Variants in UBAC2 observed in about 807,000 individuals in gnomAD.
The protein encoded by UBAC2 is UBA domain containing 2.
UBAC2 carries 26 observed loss-of-function variants against 44.0 expected under a neutral mutation model. That is an observed-to-expected ratio of 0.59 (90% CI 0.43 to 0.82). UBAC2 has a LOEUF of 0.82. UBAC2 is among the 40% of genes least tolerant of loss of function. The probability of loss-of-function intolerance (pLI) is 0.00; values close to 1 mark genes in which losing one functional copy is unlikely to be tolerated. For missense variants in UBAC2, 329 were observed against 419.4 expected (o/e 0.78, Z 1.88); for synonymous variants, 155 against 154.3 (o/e 1.00, Z -0.04).
chr13:99,262,719 A>G (rs796225531), intron 4 of UBAC2, among the ~76,000 whole-genome samples: 5 of 109,708 alleles, frequency 4.6e-5, no homozygotes, highest in East Asian at 4.4e-4. Context: ...TCAAAAAAAA[A>G]AAAAAAAAAA....
At chr13:99,264,886 G>T (rs1365521256) in intron 4 of UBAC2, among the ~76,000 whole-genome samples, 1 of 151,924 alleles carries the variant, frequency 6.6e-6, no homozygotes, top group Non-Finnish European at 1.5e-5. Context: ...GAATGTGTCT[G>T]CTGAAGTTTG....
chr13:99,232,738 A>C (rs1040689186), intron 1 of UBAC2, among the ~76,000 whole-genome samples: 1 of 152,092 alleles, frequency 6.6e-6, no homozygotes, highest in Non-Finnish European at 1.5e-5. Flanking sequence ...CCTGGGCCAC[A>C]TGGCAAAACC....
At chr13:99,382,645 A>G (rs185986241) in intron 8 of UBAC2, among the ~76,000 whole-genome samples, 24 of 152,336 alleles carry the variant, frequency 1.6e-4, no homozygotes, top group African/African-American at 5.8e-4. Context: ...AGGAATGAGC[A>G]AAGGCAGCCA....
chr13:99,376,507 A>G (rs889370010), intron 8 of UBAC2, among the ~76,000 whole-genome samples: 2 of 152,250 alleles, frequency 1.3e-5, no homozygotes, highest in African/African-American at 4.8e-5. Context: ...TGCCATTGCC[A>G]CAGCACCAGC....
At chr13:99,208,884 G>A (rs2042906910) in intron 1 of UBAC2, among the ~76,000 whole-genome samples, 1 of 152,200 alleles carries the variant, frequency 6.6e-6, no homozygotes, top group East Asian at 1.9e-4. Flanking sequence ...TCCTTGACCT[G>A]GGGGTTTGCA....
chr13:99,294,786 C>T (rs2044142800), intron 4 of UBAC2: 1 of 255,178 alleles, frequency 3.9e-6, no homozygotes, highest in South Asian at 1.0e-4. Context: ...TAAAACAAAA[C>T]TTTTTACATT....
intron 1 of UBAC2, among the ~76,000 whole-genome samples, chr13:99,203,251 GTCTTGAGCTCCTGACC>G (rs1205556616): frequency 6.6e-6 from 1 of 152,094 alleles, no homozygotes; most frequent in East Asian, 1.9e-4. Context: ...GACCAGGCTG[GTCTTGAGCTCCTGACC>G]TCAAGTGGTC....
At chr13:99,284,855 A>C (rs144542056) in intron 4 of UBAC2, among the ~76,000 whole-genome samples, 159 of 152,306 alleles carry the variant, frequency 1.0e-3, no homozygotes, top group African/African-American at 3.7e-3. Context: ...GTGAAGGTGA[A>C]GCAGTAGATG....
intron 4 of UBAC2, among the ~76,000 whole-genome samples, chr13:99,281,597 A>C (rs2043955044): frequency 1.3e-5 from 2 of 152,198 alleles, no homozygotes; most frequent in Non-Finnish European, 2.9e-5. Context: ...CAGGCTCAGA[A>C]ACCTTCAGCG....
intron 1 of UBAC2, among the ~76,000 whole-genome samples, chr13:99,227,243 G>A (rs550979990): frequency 7.4e-4 from 111 of 151,016 alleles, no homozygotes; most frequent in African/African-American, 2.6e-3. Flanking sequence ...CTCCTTCCCC[G>A]GTTATGCTGC....
At chr13:99,232,399 G>GAGAGAGATATATATATATATAT (rs1367302629) in intron 1 of UBAC2, among the ~76,000 whole-genome samples, 7 of 109,970 alleles carry the variant, frequency 6.4e-5, no homozygotes, top group Admixed American at 9.5e-5. Context: ...TTAGTTGAGA[G>GAGAGAGATATATATATATATAT]ATATAGATAT....
At position 99,385,425 on chromosome 13, in the gene UBAC2, T is replaced by G; in HGVS notation, c.*90T>G. 1 of 1,015,434 alleles carries G rather than the reference T, an allele frequency of 9.8e-7. No individual in the cohort carries two copies. The highest frequency in any genetic ancestry group is 1.5e-6 in the Non-Finnish European group (1 of 660,892). The allele number at this position is 1,015,434 out of a possible 1,614,324, so 62.9% of individuals were successfully genotyped here. A position where few individuals can be genotyped will look rare whatever the true frequency, so the allele number is the denominator to read the frequency against. On this transcript the variant is annotated 3_prime_UTR_variant, in exon 9 of 9. Transcript: ENST00000403766. The stretch of plus-strand genomic sequence containing the variant: ...GATCAGCCCGGGGACCGAGCATCTC[T>G]GGTGCTGATGTTCTTGTGGGAAGAG...
intron 8 of UBAC2, among the ~76,000 whole-genome samples, chr13:99,375,449 G>A (rs909659662): frequency 1.3e-5 from 2 of 152,178 alleles, no homozygotes; most frequent in Non-Finnish European, 2.9e-5. Context: ...GGCGAGGCAG[G>A]CCCAGCACAT....
chr13:99,367,763 A>T (rs762011784), intron 7 of UBAC2, 24 bp from the exon 8 acceptor site: 6 of 1,613,900 alleles, frequency 3.7e-6, no homozygotes, highest in Non-Finnish European at 5.1e-6. Context: ...TGTGTCTGAT[A>T]ACTGTGTGTT....
chr13:99,385,409 G>C lies in UBAC2; in HGVS notation c.*74G>C. 8.1e-7 allele frequency: 1 copy of C among 1,237,500 alleles called. No homozygotes were observed. The highest frequency in any genetic ancestry group is 1.2e-5 in the South Asian group (1 of 82,094). 76.7% of individuals were successfully genotyped at this position (1,237,500 alleles called of 1,614,324 possible). The stretch of plus-strand genomic sequence containing the variant: ...GTGGTCCCCACCATCAGATCAGCCC[G>C]GGGACCGAGCATCTCTGGTGCTGAT... On this transcript the variant is annotated 3_prime_UTR_variant, in exon 9 of 9. Transcript: ENST00000403766.
intron 6 of UBAC2, among the ~76,000 whole-genome samples, chr13:99,339,176 G>A (rs560633767): frequency 5.3e-5 from 8 of 152,166 alleles, no homozygotes; most frequent in South Asian, 2.1e-4. Context: ...TCCCAAGCTC[G>A]GGCTGCGCAG....
intron 1 of UBAC2, among the ~76,000 whole-genome samples, chr13:99,210,137 A>T (rs2042920928): frequency 6.6e-6 from 1 of 152,214 alleles, no homozygotes; most frequent in African/African-American, 2.4e-5. Flanking sequence ...CGGTCCTAGC[A>T]TTTCATTTAA....
intron 1 of UBAC2, among the ~76,000 whole-genome samples, chr13:99,202,507 A>G (rs998276362): frequency 2.0e-5 from 3 of 152,216 alleles, no homozygotes; most frequent in African/African-American, 7.2e-5. Flanking sequence ...TGGCCAAAGT[A>G]CATATAAAAA....
At chr13:99,216,081 T>TG (rs562759080) in intron 1 of UBAC2, among the ~76,000 whole-genome samples, 8,730 of 81,952 alleles carry the variant, frequency 0.11, 315 homozygotes, top group East Asian at 0.2. Flanking sequence ...CCAACCTATA[T>TG]TTGTGTGTGT....
Sources: gnomAD v4.1 joint callset for allele counts (sites outside exome capture counted in the v4.1 genomes callset) on GRCh38, gnomAD v4.1.1 for gene constraint, MANE v1.5 for transcripts, NCBI Gene and HGNC (gene_info 2026-07-23, HGNC 2026-07-21) for gene names.